The following ADAMTS2 variants were observed in gnomAD, a reference collection of about 807,000 sequenced individuals.
ADAMTS2 encodes ADAM metallopeptidase with thrombospondin type 1 motif 2.
In ADAMTS2, 50 loss-of-function variants were observed where a neutral mutation model predicts 123.0. The ratio of observed to expected loss-of-function variants is 0.41; its 90% confidence interval spans 0.32 to 0.51. The LOEUF is 0.51. Among genes scored for constraint, ADAMTS2 ranks in the 20% least tolerant of loss-of-function variants. ADAMTS2 has a pLI of 0.35. For missense variants in ADAMTS2, 1,494 were observed against 1,705.2 expected (o/e 0.88, Z 2.18); for synonymous variants, 678 against 695.4 (o/e 0.98, Z 0.39).
At chr5:179,141,601 GA>G (rs1763171620) in intron 10 of ADAMTS2, among the ~76,000 whole-genome samples, 1 of 151,784 alleles carries the variant, frequency 6.6e-6, no homozygotes, top group African/African-American at 2.4e-5. Flanking sequence ...ATCTTGGTAA[GA>G]AAAGCAAAAG....
intron 10 of ADAMTS2, among the ~76,000 whole-genome samples, chr5:179,142,269 A>C (rs147872566): frequency 6.6e-6 from 1 of 152,352 alleles, no homozygotes; most frequent in East Asian, 1.9e-4. Flanking sequence ...CTACAGGTTG[A>C]GTGTCCCTTA....
At chr5:179,134,307 AC>A (rs1167810514) in intron 13 of ADAMTS2, among the ~76,000 whole-genome samples, 1 of 152,148 alleles carries the variant, frequency 6.6e-6, no homozygotes, top group East Asian at 1.9e-4. Context: ...GGTTGGGGAC[AC>A]ACCTTTCACA....
In ADAMTS2 at chr5:179,287,908, C is replaced by T. The variant is rs573361402; in HGVS notation, c.535-14844G>A. On this transcript the variant is annotated intron_variant, in intron 2 of 21. Transcript: ENST00000251582. ...GGAGAGCACAGGCTGGGACGCAGCC[C>T]GCCCAACGCCAGTCCCCCCACTCCA... is the stretch of plus-strand genomic sequence containing the variant. Among the ~76,000 whole-genome samples the T allele has an allele frequency of 1.6e-4, 25 of 152,322 alleles. 1 individual carries two copies. In the South Asian group the frequency reaches 4.8e-3, roughly 29 times the overall value.
chr5:179,217,874 C>A (rs112543883), intron 3 of ADAMTS2, among the ~76,000 whole-genome samples: 17,249 of 80,970 alleles, frequency 0.21, 1,586 homozygotes, highest in African/African-American at 0.34. Context: ...GGCCTGAGGG[C>A]AGACGGCACA....
intron 2 of ADAMTS2, among the ~76,000 whole-genome samples, chr5:179,336,929 C>T (rs955102907): frequency 6.6e-6 from 1 of 152,212 alleles, no homozygotes; most frequent in African/African-American, 2.4e-5. Context: ...TTCAGCAGCA[C>T]CCAGGCCTTG....
intron 2 of ADAMTS2, among the ~76,000 whole-genome samples, chr5:179,320,671 A>G (rs1757143743): frequency 6.6e-6 from 1 of 152,070 alleles, no homozygotes; most frequent in South Asian, 2.1e-4. Flanking sequence ...ACCAGCTCTC[A>G]TCCCTGCGTC....
intron 3 of ADAMTS2, among the ~76,000 whole-genome samples, chr5:179,253,001 CTG>C (rs1389721120): frequency 6.6e-6 from 1 of 152,180 alleles, no homozygotes; most frequent in Non-Finnish European, 1.5e-5. Context: ...AAACGGTGAC[CTG>C]TCTTTCCCCA....
intron 17 of ADAMTS2, among the ~76,000 whole-genome samples, chr5:179,126,471 C>T (rs965631079): frequency 1.1e-4 from 17 of 152,322 alleles, no homozygotes; most frequent in East Asian, 3.9e-4. Flanking sequence ...AGCCAGGAGC[C>T]GGGCAAGCAC....
At chr5:179,208,874 G>A (rs1015180114) in intron 3 of ADAMTS2, among the ~76,000 whole-genome samples, 3 of 152,148 alleles carry the variant, frequency 2.0e-5, no homozygotes, top group African/African-American at 7.2e-5. Context: ...CAGGGCTGCA[G>A]GTCATCGTGA....
rs143852378 is a variant in ADAMTS2 at position 179,281,863 on chromosome 5, G to A, written c.535-8799C>T. Among the ~76,000 whole-genome samples the A allele has an allele frequency of 1.6e-3, 239 of 152,308 alleles. 1 individual carries two copies. The highest frequency in any genetic ancestry group is 5.4e-3 in the African/African-American group (226 of 41,562). ...AGCTATCCAGCAGGTGTGAAGTGGT[G>A]TCCCATCATGCTTCGGCTTGCATTT... is the stretch of plus-strand genomic sequence containing the variant. On this transcript the variant is annotated intron_variant, in intron 2 of 21. Transcript: ENST00000251582.
rs772473736 is a variant in ADAMTS2, at chr5:179,273,069, G to A, written c.535-5C>T. On this transcript the variant is annotated splice_polypyrimidine_tract_variant and splice_region_variant and intron_variant, in intron 2 of 21. Coordinates refer to ENST00000251582, the MANE Select transcript of ADAMTS2 (RefSeq NM_014244.5). ...CTCCATCCGGATCAGACCAGCCTGCGGGACAAAGACAACAGGATCAGATTT... is the reference window on the plus strand; with the variant it reads ...CTCCATCCGGATCAGACCAGCCTGCAGGACAAAGACAACAGGATCAGATTT... 4.6e-5 allele frequency: 74 copies of A among 1,613,414 alleles called. No homozygotes were observed. The highest frequency in any genetic ancestry group is 1.6e-4 in the South Asian group (15 of 91,068).
intron 2 of ADAMTS2, among the ~76,000 whole-genome samples, chr5:179,335,389 G>C: frequency 6.6e-6 from 1 of 151,996 alleles, no homozygotes; most frequent in Non-Finnish European, 1.5e-5. Flanking sequence ...TTATACTCAG[G>C]GTACCTCTCA....
rs111702890 is a variant in ADAMTS2, at chr5:179,133,171, A to C, written c.2086-271T>G. Among the ~76,000 whole-genome samples, 4,807 of 152,282 alleles carry C rather than the reference A, an allele frequency of 0.032. 273 individuals are homozygous for C. Among genetic ancestry groups the C allele is most frequent in the African/African-American group, 0.11 (4,570 of 41,528 alleles). On this transcript the variant is annotated intron_variant, in intron 13 of 21. Transcript: ENST00000251582. ...GCAGTTTCCGTCTGGGCCCCTGTGCACGCGGCTGGTCTTGGGCAGGGGACT... is the reference window on the plus strand; with the variant it reads ...GCAGTTTCCGTCTGGGCCCCTGTGCCCGCGGCTGGTCTTGGGCAGGGGACT...
intron 4 of ADAMTS2, among the ~76,000 whole-genome samples, chr5:179,183,914 T>C (rs376819128): frequency 2.0e-5 from 3 of 152,124 alleles, no homozygotes; most frequent in East Asian, 3.9e-4. Flanking sequence ...GCCTGCATCC[T>C]CTCTCTCTGC....
chr5:179,213,601 C>T (rs1012563791), intron 3 of ADAMTS2, among the ~76,000 whole-genome samples: 1 of 152,120 alleles, frequency 6.6e-6, no homozygotes, highest in African/African-American at 2.4e-5. Flanking sequence ...AGGGGCCACA[C>T]TGGGGGTGGG....
intron 2 of ADAMTS2, among the ~76,000 whole-genome samples, chr5:179,275,547 A>T (rs1292380902): frequency 6.6e-6 from 1 of 152,124 alleles, no homozygotes; most frequent in Non-Finnish European, 1.5e-5. Flanking sequence ...CCACTTCCTT[A>T]TGCCGGGGAG....
chr5:179,156,961 CTTTTTTTT>C (rs70997667), intron 6 of ADAMTS2, among the ~76,000 whole-genome samples: 1 of 108,342 alleles, frequency 9.2e-6, no homozygotes, highest in Non-Finnish European at 1.9e-5. Flanking sequence ...TTCATTTTTT[CTTTTTTTT>C]TTTTTTTTTT....
chr5:179,322,431 T>A (rs1384836856), intron 2 of ADAMTS2, among the ~76,000 whole-genome samples: 1 of 151,820 alleles, frequency 6.6e-6, no homozygotes, highest in Non-Finnish European at 1.5e-5. Flanking sequence ...CAGTTCTCCC[T>A]CCCCCACCCA....
intron 5 of ADAMTS2, among the ~76,000 whole-genome samples, chr5:179,163,324 G>A (rs1231899573): frequency 1.3e-5 from 2 of 152,166 alleles, no homozygotes; most frequent in African/African-American, 2.4e-5. Context: ...AATAGAGTGG[G>A]GGTCGGTGAT....
Sources: gnomAD v4.1 joint callset for allele counts (sites outside exome capture counted in the v4.1 genomes callset) on GRCh38, gnomAD v4.1.1 for gene constraint, MANE v1.5 for transcripts, NCBI Gene and HGNC (gene_info 2026-07-23, HGNC 2026-07-21) for gene names.